Variants in CNTN4 observed in about 807,000 individuals in gnomAD.
The protein encoded by CNTN4 is contactin 4.
A neutral mutation model predicts 122.5 loss-of-function variants in CNTN4; 77 were observed. The ratio of observed to expected loss-of-function variants is 0.63; its 90% CI spans 0.52 to 0.76. The LOEUF (loss-of-function observed/expected upper bound fraction) is 0.76, where lower values mean the gene tolerates loss of function less well. Among genes scored for constraint, CNTN4 ranks in the 30% least tolerant of loss-of-function variants. CNTN4 has a pLI of 0.00. For synonymous variants in CNTN4, 512 were observed against 447.0 expected, an observed-to-expected ratio of 1.15 and a Z score of -1.83; for missense variants, 1,256 against 1,259.1, an observed-to-expected ratio of 1.00 and a Z score of 0.04.
chr3:2,568,390 A>G (rs1003965077), intron 3 of CNTN4, among the ~76,000 whole-genome samples: 3 of 151,394 alleles, frequency 2.0e-5, no homozygotes, highest in Non-Finnish European at 4.4e-5. Context: ...TCAATGAGAG[A>G]AAGCAATCGA....
At chr3:2,787,671 G>A (rs1004997502) in intron 6 of CNTN4, among the ~76,000 whole-genome samples, 1 of 152,146 alleles carries the variant, frequency 6.6e-6, no homozygotes, top group Non-Finnish European at 1.5e-5. Flanking sequence ...TAACTTCTCT[G>A]AGTCTTTTTC....
chr3:2,253,028 G>C (rs1179168993), intron 2 of CNTN4, among the ~76,000 whole-genome samples: 1 of 152,002 alleles, frequency 6.6e-6, no homozygotes, highest in East Asian at 1.9e-4. Context: ...TGAAGTAGTT[G>C]TTTGATTAGT....
intron 3 of CNTN4, among the ~76,000 whole-genome samples, chr3:2,431,048 T>C (rs1196948928): frequency 1.3e-5 from 2 of 152,202 alleles, no homozygotes; most frequent in African/African-American, 2.4e-5. Context: ...CCTAGCCTTT[T>C]TGTGGTCTAA....
chr3:2,831,088 C>A (rs766175952), intron 7 of CNTN4, among the ~76,000 whole-genome samples: 1 of 151,974 alleles, frequency 6.6e-6, no homozygotes, highest in Non-Finnish European at 1.5e-5. Context: ...ACATTAGGAA[C>A]AAAATAACTG....
chr3:2,302,914 A>G (rs1315154695), intron 2 of CNTN4, among the ~76,000 whole-genome samples: 1 of 152,226 alleles, frequency 6.6e-6, no homozygotes, highest in Admixed American at 6.5e-5. Context: ...AAAAACCATG[A>G]GGTGCCCTTT....
chr3:2,710,022 G>T (rs2087028144), intron 4 of CNTN4, among the ~76,000 whole-genome samples: 1 of 152,158 alleles, frequency 6.6e-6, no homozygotes, highest in Non-Finnish European at 1.5e-5. Flanking sequence ...GATGTCATTA[G>T]TTTTCCTCTT....
At chr3:2,994,670 C>T (rs554485044) in intron 14 of CNTN4, among the ~76,000 whole-genome samples, 7 of 151,306 alleles carry the variant, frequency 4.6e-5, no homozygotes, top group South Asian at 2.1e-4. Flanking sequence ...ATTACTATTG[C>T]GCACTATATA....
At chr3:2,876,843 C>G (rs61020414) in intron 8 of CNTN4, among the ~76,000 whole-genome samples, 118 of 152,314 alleles carry the variant, frequency 7.7e-4, no homozygotes, top group African/African-American at 2.8e-3. Context: ...TGCTAGTACT[C>G]TCCCAATGAC....
At chr3:2,489,822 A>T (rs2076264207) in intron 3 of CNTN4, among the ~76,000 whole-genome samples, 1 of 152,020 alleles carries the variant, frequency 6.6e-6, no homozygotes, top group Non-Finnish European at 1.5e-5. Flanking sequence ...CCCTTCCAAC[A>T]TTCTCTGTTT....
intron 2 of CNTN4, among the ~76,000 whole-genome samples, chr3:2,124,892 A>G (rs1363744264): frequency 6.6e-6 from 1 of 152,234 alleles, no homozygotes; most frequent in East Asian, 1.9e-4. Context: ...AATCAGTACA[A>G]TTAAGGTAAT....
chr3:2,759,994 CA>C (rs756010557), intron 6 of CNTN4, among the ~76,000 whole-genome samples: 1 of 152,122 alleles, frequency 6.6e-6, no homozygotes, highest in Non-Finnish European at 1.5e-5. Flanking sequence ...CACTTCTATT[CA>C]AATCCTTTGC....
At chr3:2,101,299 A>G (rs919895115) in intron 2 of CNTN4, among the ~76,000 whole-genome samples, 3 of 152,098 alleles carry the variant, frequency 2.0e-5, no homozygotes, top group Non-Finnish European at 2.9e-5. Flanking sequence ...CGTTCCTTCA[A>G]TTTAGGTCTT....
chr3:2,177,081 T>G (rs2036779933), intron 2 of CNTN4, among the ~76,000 whole-genome samples: 1 of 152,152 alleles, frequency 6.6e-6, no homozygotes, highest in Non-Finnish European at 1.5e-5. Context: ...ATCAAATAGT[T>G]AAATGCGGAT....
chr3:2,851,319 C>A (rs2093546822), intron 7 of CNTN4, among the ~76,000 whole-genome samples: 1 of 152,184 alleles, frequency 6.6e-6, no homozygotes, highest in African/African-American at 2.4e-5. Flanking sequence ...TGATCATATG[C>A]CTCTCCAGGC....
intron 4 of CNTN4, among the ~76,000 whole-genome samples, chr3:2,731,061 G>A (rs2088641091): frequency 6.6e-6 from 1 of 151,060 alleles, no homozygotes; most frequent in South Asian, 2.1e-4. Context: ...TTACAGATGT[G>A]GTCATTTTTA....
intron 6 of CNTN4, among the ~76,000 whole-genome samples, chr3:2,811,180 C>T (rs1051045858): frequency 3.3e-4 from 50 of 151,992 alleles, no homozygotes; most frequent in Middle Eastern, 3.4e-3. Context: ...GAGGCCGAGG[C>T]AGGCGTATCA....
chr3:2,940,124 A>C (rs899992491), intron 13 of CNTN4, among the ~76,000 whole-genome samples: 9 of 152,230 alleles, frequency 5.9e-5, no homozygotes, highest in African/African-American at 2.2e-4. Context: ...AGGGTGTGGG[A>C]GGTTCATTGA....
intron 3 of CNTN4, among the ~76,000 whole-genome samples, chr3:2,444,767 AC>A (rs1473263118): frequency 6.6e-6 from 1 of 152,030 alleles, no homozygotes; most frequent in Non-Finnish European, 1.5e-5. Flanking sequence ...GGCTGGTCAG[AC>A]AGATGAACTA....
At chr3:2,529,380 C>A (rs924237833) in intron 3 of CNTN4, among the ~76,000 whole-genome samples, 1 of 152,024 alleles carries the variant, frequency 6.6e-6, no homozygotes, top group Non-Finnish European at 1.5e-5. Context: ...TGATTCCATA[C>A]CTTGGCTATT....
Sources: gnomAD v4.1 joint callset for allele counts (sites outside exome capture counted in the v4.1 genomes callset) on GRCh38, gnomAD v4.1.1 for gene constraint, MANE v1.5 for transcripts, NCBI Gene and HGNC (gene_info 2026-07-23, HGNC 2026-07-21) for gene names.